DROSHA: variants seen among roughly 807,000 people sequenced by gnomAD.
DROSHA encodes the protein ribonuclease 3.
Under a neutral mutation model 181.9 loss-of-function variants are expected in DROSHA, and 56 were observed. The ratio of observed to expected loss-of-function variants is 0.31; its 90% confidence interval spans 0.25 to 0.38. DROSHA has a LOEUF of 0.38. Ranked by LOEUF, DROSHA falls within the 10% of genes least tolerant of loss-of-function variation. The probability of loss-of-function intolerance (pLI) is 1.00; values close to 1 mark genes in which losing one functional copy is unlikely to be tolerated. For missense variants in DROSHA, 1,218 were observed against 1,743.5 expected (o/e 0.70, Z 5.37); for synonymous variants, 524 against 591.2 (o/e 0.89, Z 1.65).
intron 19 of DROSHA, among the ~76,000 whole-genome samples, chr5:31,464,798 T>C (rs566424800): frequency 1.3e-5 from 2 of 152,222 alleles, no homozygotes; most frequent in South Asian, 2.1e-4. Context: ...TACAATGGCA[T>C]ACTTTATATA....
rs1298829217 is a variant in DROSHA, at chr5:31,515,181, T to A, written c.1097A>T (p.Glu366Val). Reference protein sequence around the residue: ...PSREKKRARWEEEKDRWSDNQ... With the variant: ...PSREKKRARWVEEKDRWSDNQ... The stretch of plus-strand genomic sequence containing the variant: ...GTCACTCCAACGGTCTTTTTCTTCC[T>A]CCCAACGAGCTCTCTTCTTCTCCCT... Residue 366 changes from glutamate to valine, a missense_variant, in exon 8 of 36, where the codon GAG becomes GTG. Glu to Val is a moderately radical substitution (Grantham distance 121, BLOSUM62 -2). Transcript: ENST00000344624. 2 of 1,613,768 alleles carry A rather than the reference T, an allele frequency of 1.2e-6. No homozygotes were observed. The highest frequency in any genetic ancestry group is 1.7e-6 in the Non-Finnish European group (2 of 1,179,896).
chr5:31,507,458 C>A (rs1294938316), intron 10 of DROSHA, among the ~76,000 whole-genome samples: 141 of 122,704 alleles, frequency 1.1e-3, no homozygotes, highest in East Asian at 1.2e-3. Context: ...AACTCTGTCT[C>A]AAAAAAAAAA....
intron 35 of DROSHA, among the ~76,000 whole-genome samples, chr5:31,404,903 T>G (rs945669007): frequency 3.3e-5 from 5 of 152,202 alleles, no homozygotes; most frequent in African/African-American, 1.2e-4. Context: ...GAATTGGAGC[T>G]GTTTTCTATA....
chr5:31,507,632 CA>C (rs1255255682), intron 10 of DROSHA, among the ~76,000 whole-genome samples: 3 of 151,530 alleles, frequency 2.0e-5, no homozygotes, highest in Non-Finnish European at 4.4e-5. Context: ...AACAAAAAAA[CA>C]AAAAAACCCA....
intron 20 of DROSHA, among the ~76,000 whole-genome samples, chr5:31,463,249 C>T (rs1422637632): frequency 6.6e-6 from 1 of 152,158 alleles, no homozygotes; most frequent in Non-Finnish European, 1.5e-5. Context: ...GGCAATATTA[C>T]ACCAATAGCA....
At chr5:31,415,673 A>G (rs1017063127) in intron 30 of DROSHA, among the ~76,000 whole-genome samples, 2 of 152,222 alleles carry the variant, frequency 1.3e-5, no homozygotes, top group Non-Finnish European at 2.9e-5. Context: ...GCTATAGTGC[A>G]TGCCACCATT....
Position 31,501,036 on chromosome 5 carries a change from G to A in DROSHA, c.1668+3519C>T, listed in dbSNP as rs147300678. Among the ~76,000 whole-genome samples, 322 of 152,256 alleles carry A rather than the reference G, an allele frequency of 2.1e-3. 2 individuals carry two copies. The highest frequency in any genetic ancestry group is 7.2e-3 in the African/African-American group (301 of 41,532). On this transcript the variant is annotated intron_variant, in intron 11 of 35. Transcript: ENST00000344624. ...CATGTTTTTTGGACTGAAATCCACC[G>A]ACTGAAGAGGTGGCCAGATCCCAGG...
At chr5:31,485,226 A>G (rs1342929405) in intron 14 of DROSHA, among the ~76,000 whole-genome samples, 1 of 152,188 alleles carries the variant, frequency 6.6e-6, no homozygotes, top group Non-Finnish European at 1.5e-5. Flanking sequence ...AGTCTCACTT[A>G]TATTAATATA....
chr5:31,424,336 G>C (rs1169273508), intron 28 of DROSHA, 91 bp downstream of exon 28: 21 of 1,478,532 alleles, frequency 1.4e-5, no homozygotes, highest in Non-Finnish European at 1.8e-5. Context: ...AGAATCAAAA[G>C]ATAAAAGTGG....
At chr5:31,447,588 A>G (rs1041212662) in intron 23 of DROSHA, among the ~76,000 whole-genome samples, 6 of 152,238 alleles carry the variant, frequency 3.9e-5, no homozygotes, top group African/African-American at 1.4e-4. Context: ...ACAGAATGAA[A>G]AAAATTTTTG....
At chr5:31,406,816 T>A in intron 34 of DROSHA, 37 bp downstream of exon 34, 2 of 1,585,486 alleles carry the variant, frequency 1.3e-6, no homozygotes, top group Non-Finnish European at 1.7e-6. Flanking sequence ...ACACAGGATG[T>A]TCATTCAAAG....
At chr5:31,432,245 C>T (rs370171481) in intron 25 of DROSHA, among the ~76,000 whole-genome samples, 1 of 151,936 alleles carries the variant, frequency 6.6e-6, no homozygotes, top group South Asian at 2.1e-4. Context: ...GATTCTCCTG[C>T]CTCACCCACC....
chr5:31,449,416 C>A lies in DROSHA; in HGVS notation c.2686G>T (p.Ala896Ser). Residue 896 changes from alanine (A) to serine (S), a missense_variant, in exon 22 of 36, where the codon GCC (alanine) becomes TCC (serine). Coordinates refer to ENST00000344624, the MANE Select transcript of DROSHA (RefSeq NM_001382508.1). ...AAATGATGACTTGGATGAGTCATGG[C>A]CAGCTAAAATTTCAATGAAATAAGT... Reference protein sequence around the residue: ...TFQDRCLLQLAMTHPSHHLNF... With the variant: ...TFQDRCLLQLSMTHPSHHLNF... 6.4e-7 allele frequency: 1 copy of A among 1,567,200 alleles called. No individual in the cohort carries two copies. The highest frequency in any genetic ancestry group is 2.3e-5 in the East Asian group (1 of 42,816).
chr5:31,525,361 G>A (rs938080235), intron 5 of DROSHA, among the ~76,000 whole-genome samples: 4 of 133,044 alleles, frequency 3.0e-5, no homozygotes, highest in East Asian at 2.4e-4. Flanking sequence ...AAAATTAGCC[G>A]AGTGTGGTCA....
chr5:31,450,082 A>G (rs1280684510), intron 21 of DROSHA, among the ~76,000 whole-genome samples: 1 of 152,232 alleles, frequency 6.6e-6, no homozygotes, highest in African/African-American at 2.4e-5. Flanking sequence ...ATCACTAATC[A>G]TTAGGGAAAT....
intron 11 of DROSHA, among the ~76,000 whole-genome samples, chr5:31,501,652 GAACTC>G (rs144447968): frequency 0.062 from 9,486 of 152,170 alleles, 371 homozygotes; most frequent in Non-Finnish European, 0.092. Context: ...AACCAAGCAG[GAACTC>G]TGATTGTAGC....
intron 11 of DROSHA, among the ~76,000 whole-genome samples, chr5:31,497,768 T>C (rs952168418): frequency 2.0e-5 from 3 of 152,196 alleles, no homozygotes; most frequent in Non-Finnish European, 4.4e-5. Flanking sequence ...CTGGGGTGTT[T>C]TGAGTGGACC....
intron 13 of DROSHA, among the ~76,000 whole-genome samples, chr5:31,492,011 C>G (rs942600240): frequency 6.6e-6 from 1 of 152,184 alleles, no homozygotes; most frequent in Non-Finnish European, 1.5e-5. Context: ...CCAAGCTGGT[C>G]TTGAACTCCT....
chr5:31,504,686 C>G, intron 10 of DROSHA, 51 bp from the exon 11 acceptor site: 1 of 1,596,580 alleles, frequency 6.3e-7, no homozygotes, highest in Non-Finnish European at 8.6e-7. Flanking sequence ...AAATCCACAC[C>G]ATGCACGGTG....
Sources: gnomAD v4.1 joint callset for allele counts (sites outside exome capture counted in the v4.1 genomes callset) on GRCh38, gnomAD v4.1.1 for gene constraint, MANE v1.5 for transcripts, NCBI Gene and HGNC (gene_info 2026-07-23, HGNC 2026-07-21) for gene names.